PRDM16: variants seen among roughly 807,000 people sequenced by gnomAD.
PRDM16 encodes the protein PR/SET domain 16, also known as histone-lysine N-methyltransferase PRDM16.
PRDM16 carries 23 observed loss-of-function variants against 110.6 expected under a neutral mutation model. The ratio of observed to expected loss-of-function variants is 0.21; its 90% CI spans 0.15 to 0.29. The LOEUF (loss-of-function observed/expected upper bound fraction) is 0.29, where lower values mean the gene tolerates loss of function less well. Ranked by LOEUF, PRDM16 falls within the 10% of genes least tolerant of loss-of-function variation. The probability of loss-of-function intolerance (pLI) is 1.00; values close to 1 mark genes in which losing one functional copy is unlikely to be tolerated. For synonymous variants in PRDM16, 799 were observed against 781.8 expected (o/e 1.02, Z -0.37); for missense variants, 1,615 against 1,794.3 (o/e 0.90, Z 1.81).
chr1:3,181,058 GCGGTCTTACACACCCGGTCTTACACA>G lies in PRDM16; in HGVS notation c.38-5063_38-5038del, dbSNP rs1557507775. On this transcript the variant is annotated intron_variant, in intron 1 of 16. Transcript: ENST00000270722. ...CGGTCTTACACACGCAGTCTTACAC[GCGGTCTTACACACCCGGTCTTACACA>G]CGGCCTTACACACGCAGTCTTACAC... Among the ~76,000 whole-genome samples the G allele has an allele frequency of 6.6e-3, 395 of 59,684 alleles. 3 individuals are homozygous for G. The highest frequency in any genetic ancestry group is 0.017 in the African/African-American group (382 of 22,154). 39.2% of individuals were successfully genotyped at this position (59,684 alleles called of 152,430 possible).
chr1:3,073,513 G>A (rs1004246600), intron 1 of PRDM16, among the ~76,000 whole-genome samples: 1 of 152,200 alleles, frequency 6.6e-6, no homozygotes, highest in Admixed American at 6.5e-5. Flanking sequence ...CGGCGCGGGA[G>A]GACCAGGAGC....
At chr1:3,072,174 C>T (rs1221520010) in intron 1 of PRDM16, among the ~76,000 whole-genome samples, 2 of 152,188 alleles carry the variant, frequency 1.3e-5, no homozygotes, top group Non-Finnish European at 2.9e-5. Flanking sequence ...GGGGTAGGGG[C>T]TGCTGCAGCC....
chr1:3,403,503 AG>A (rs1643509497), intron 6 of PRDM16, among the ~76,000 whole-genome samples: 1 of 152,214 alleles, frequency 6.6e-6, no homozygotes, highest in African/African-American at 2.4e-5. Flanking sequence ...AAGAGCCAGA[AG>A]GGGTCACCCC....
At chr1:3,238,321 G>A (rs1639584844) in intron 2 of PRDM16, among the ~76,000 whole-genome samples, 1 of 152,108 alleles carries the variant, frequency 6.6e-6, no homozygotes, top group South Asian at 2.1e-4. Context: ...CAGAGCCCAG[G>A]GTCCTTTTCT....
chr1:3,425,828 G>C lies in PRDM16; in HGVS notation c.3109+78G>C. On this transcript the variant is annotated intron_variant, in intron 13 of 16. Transcript: ENST00000270722. The surrounding 1 kb of genome is among the most constrained non-coding windows in gnomAD (Gnocchi z 6.9). Reference sequence around the variant, plus strand: ...ACAGAGGGGGAGGGGGAACAGCAGGGGAGTGGGCGCCGGGCAGGGAAGAGG... The same window carrying C: ...ACAGAGGGGGAGGGGGAACAGCAGGCGAGTGGGCGCCGGGCAGGGAAGAGG... 6.4e-7 allele frequency: 1 copy of C among 1,558,486 alleles called. No individual in the cohort carries two copies. The highest frequency in any genetic ancestry group is 8.8e-7 in the Non-Finnish European group (1 of 1,141,124).
At chr1:3,086,165 G>A (rs946246562) in intron 1 of PRDM16, among the ~76,000 whole-genome samples, 1 of 152,188 alleles carries the variant, frequency 6.6e-6, no homozygotes, top group Non-Finnish European at 1.5e-5. Flanking sequence ...CTCAGGGCAG[G>A]ACAGATGGGG....
intron 16 of PRDM16, 100 bp downstream of exon 16, chr1:3,432,240 A>G: frequency 9.2e-7 from 1 of 1,091,074 alleles, no homozygotes; most frequent in Non-Finnish European, 1.3e-6. Flanking sequence ...GGCCTGAGGA[A>G]GCTCTGGTCA....
intron 1 of PRDM16, among the ~76,000 whole-genome samples, chr1:3,114,357 C>G (rs114434829): frequency 1.5e-5 from 2 of 136,530 alleles, no homozygotes; most frequent in Non-Finnish European, 3.2e-5. Context: ...TGCACACATG[C>G]ACACACGCAC....
In PRDM16 at chr1:3,265,553, A is replaced by T. The variant is rs2100265873; in HGVS notation, c.438+21416A>T. Among the ~76,000 whole-genome samples, 1 of 152,130 alleles carries T rather than the reference A, an allele frequency of 6.6e-6. No individual in the cohort carries two copies. Among genetic ancestry groups the T allele is most frequent in the South Asian group, 2.1e-4 (1 of 4,830 alleles). Reference sequence around the variant, plus strand: ...ATGTGTGACTCAAGGGACCCATCCGAGGTTCATGGGAAGAGGAGAAGGGGT... The same window carrying T: ...ATGTGTGACTCAAGGGACCCATCCGTGGTTCATGGGAAGAGGAGAAGGGGT... On this transcript the variant is annotated intron_variant, in intron 3 of 16. Coordinates refer to ENST00000270722, the MANE Select transcript of PRDM16 (RefSeq NM_022114.4). This position sits in a 1 kb window ranked among gnomAD's most constrained non-coding sequence, Gnocchi z 4.5.
Position 3,290,600 on chromosome 1 carries a change from T to C in PRDM16, c.438+46463T>C, listed in dbSNP as rs1165813304. Among the ~76,000 whole-genome samples the C allele has an allele frequency of 6.6e-6, 1 of 152,100 alleles. No homozygotes were observed. The highest frequency in any genetic ancestry group is 1.9e-4 in the East Asian group (1 of 5,170). Reference sequence around the variant, plus strand: ...ACTGAAGAAGCCCCGTGGCTCCGGCTCCGTCTGCAGGATCCCTCCCAGGAC... The same window carrying C: ...ACTGAAGAAGCCCCGTGGCTCCGGCCCCGTCTGCAGGATCCCTCCCAGGAC... On this transcript the variant is annotated intron_variant, in intron 3 of 16. Transcript: ENST00000270722. This position sits in a 1 kb window ranked among gnomAD's most constrained non-coding sequence, Gnocchi z 4.8.
Position 3,245,940 on chromosome 1 carries a change from G to A in PRDM16, c.438+1803G>A, listed in dbSNP as rs955294989. On this transcript the variant is annotated intron_variant, in intron 3 of 16. Coordinates refer to ENST00000270722, the MANE Select transcript of PRDM16 (RefSeq NM_022114.4). This position sits in a 1 kb window ranked among gnomAD's most constrained non-coding sequence, Gnocchi z 4.7. Reference sequence around the variant, plus strand: ...TTTTCAAGACGCCCTCCTTGGCTGCGCCTCTCCTGAATGCCTCATGGAGGT... The same window carrying A: ...TTTTCAAGACGCCCTCCTTGGCTGCACCTCTCCTGAATGCCTCATGGAGGT... 3.9e-5 allele frequency among the ~76,000 whole-genome samples: 6 copies of A among 152,272 alleles called. No homozygotes were observed. The highest frequency in any genetic ancestry group is 2.1e-4 in the South Asian group (1 of 4,816).
chr1:3,193,761 G>A (rs1638379758), intron 2 of PRDM16, among the ~76,000 whole-genome samples: 1 of 152,240 alleles, frequency 6.6e-6, no homozygotes, highest in Non-Finnish European at 1.5e-5. Context: ...TACTGGGGGA[G>A]GGGGTGGTCA....
At position 3,175,536 on chromosome 1, in the gene PRDM16, T is replaced by C. The variant is rs1415858808; in HGVS notation, c.38-10589T>C. Among the ~76,000 whole-genome samples the C allele has an allele frequency of 6.6e-6, 1 of 151,942 alleles. No individual in the cohort carries two copies. On this transcript the variant is annotated intron_variant, in intron 1 of 16. Transcript: ENST00000270722. This position sits in a 1 kb window ranked among gnomAD's most constrained non-coding sequence, Gnocchi z 4.8. Reference sequence around the variant, plus strand: ...CCCAGTTGGGGGAACATTCTCCAGGTCTCTGACCCACTACACAGCACTCCT... The same window carrying C: ...CCCAGTTGGGGGAACATTCTCCAGGCCTCTGACCCACTACACAGCACTCCT...
Position 3,318,517 on chromosome 1 carries a change from TTATC to T in PRDM16, c.439-66630_439-66627del, listed in dbSNP as rs142663929. 6.1e-3 allele frequency among the ~76,000 whole-genome samples: 933 copies of T among 152,350 alleles called. 31 individuals are homozygous for T. The highest frequency in any genetic ancestry group is 0.047 in the Admixed American group (719 of 15,306). On this transcript the variant is annotated intron_variant, in intron 3 of 16. Transcript: ENST00000270722. ...TTTTCTACCATCTATTGATTGTTGA[TTATC>T]TATCAATTGATTATCCATCTATCAA...
At chr1:3,327,615 G>T (rs909314734) in intron 3 of PRDM16, among the ~76,000 whole-genome samples, 4 of 152,236 alleles carry the variant, frequency 2.6e-5, no homozygotes, top group African/African-American at 9.6e-5. Context: ...TGACATCTGG[G>T]CCAGAAGCTG....
At chr1:3,253,177 C>T (rs1639973365) in intron 3 of PRDM16, among the ~76,000 whole-genome samples, 1 of 151,954 alleles carries the variant, frequency 6.6e-6, no homozygotes, top group Admixed American at 6.6e-5. Context: ...AATAAGGCAC[C>T]ACACTCTTTT....
rs1428251222 is a variant in PRDM16, at chr1:3,244,422, G to A, written c.438+285G>A. Among the ~76,000 whole-genome samples the A allele has an allele frequency of 6.6e-6, 1 of 152,086 alleles. No homozygotes were observed. The highest frequency in any genetic ancestry group is 1.5e-5 in the Non-Finnish European group (1 of 68,010). ...GAGTGGAGGAGAGCCCTGTACCTGT[G>A]GGAAAGCTTCAGGCCACGCAGACAG... is the stretch of plus-strand genomic sequence containing the variant. On this transcript the variant is annotated intron_variant, in intron 3 of 16. Coordinates refer to ENST00000270722, the MANE Select transcript of PRDM16 (RefSeq NM_022114.4). The surrounding 1 kb of genome is among the most constrained non-coding windows in gnomAD (Gnocchi z 4.1).
chr1:3,432,306 C>T (rs969718153), intron 16 of PRDM16, among the ~76,000 whole-genome samples, 166 bp downstream of exon 16: 5 of 152,206 alleles, frequency 3.3e-5, no homozygotes, highest in South Asian at 2.1e-4. Context: ...ACCGCCCTCC[C>T]GCAAGCTGGG....
intron 3 of PRDM16, among the ~76,000 whole-genome samples, chr1:3,338,788 T>A (rs1557619812): frequency 6.6e-6 from 1 of 152,318 alleles, no homozygotes; most frequent in East Asian, 1.9e-4. Context: ...GCCAGGGTCC[T>A]CTCTGGGCAG....
Sources: allele counts gnomAD v4.1 joint callset (sites outside exome capture counted in the v4.1 genomes callset), GRCh38; gene constraint gnomAD v4.1.1; non-coding constraint Gnocchi (gnomAD v3.1); transcripts MANE v1.5; gene names NCBI Gene and HGNC (gene_info 2026-07-23, HGNC 2026-07-21).